Variants in GIMAP5 observed in about 807,000 individuals in gnomAD.
The protein encoded by GIMAP5 is GTPase IMAP family member 5.
In GIMAP5, 8 loss-of-function variants were observed where a neutral mutation model predicts 9.9. That is an observed-to-expected ratio of 0.81 (90% CI 0.47 to 1.45). The LOEUF (loss-of-function observed/expected upper bound fraction) is 1.45, where lower values mean the gene tolerates loss of function less well. GIMAP5 is among the 40% of genes most tolerant of loss of function. GIMAP5 has a pLI of 0.00. For missense variants in GIMAP5, 353 were observed against 367.4 expected, an observed-to-expected ratio of 0.96 and a Z score of 0.32; for synonymous variants, 174 against 151.4, an observed-to-expected ratio of 1.15 and a Z score of -1.09.
rs751527549 is a variant in GIMAP5 at position 150,743,338 on chromosome 7, C to T, written c.*275C>T. On this transcript the variant is annotated 3_prime_UTR_variant, in exon 3 of 3. Coordinates refer to ENST00000358647, the MANE Select transcript of GIMAP5 (RefSeq NM_018384.5). The stretch of plus-strand genomic sequence containing the variant: ...GGTCCCTGAGAAGTGAGTAAAAGTC[C>T]GCAGAGGTGGGGATGGAAGATCTCT... The T allele has an allele frequency of 2.9e-4, 113 of 392,580 alleles. 1 individual carries two copies. The highest frequency in any genetic ancestry group is 3.3e-4 in the Admixed American group (8 of 24,066). 24.3% of individuals were successfully genotyped at this position (392,580 alleles called of 1,614,324 possible).
chr7:150,739,731 A>G (rs1186380754), intron 1 of GIMAP5: 1 of 152,080 alleles, frequency 6.6e-6, no homozygotes, highest in African/African-American at 2.4e-5. Context: ...GGGAGGGTAA[A>G]GAGGAAAGGA....
rs1797586902 is a variant in GIMAP5, at chr7:150,741,046, T to A, written c.43+119T>A. On this transcript the variant is annotated intron_variant, in intron 2 of 2. Coordinates refer to ENST00000358647, the MANE Select transcript of GIMAP5 (RefSeq NM_018384.5). ...ACCCATTCATTTTAAATGAAGAAGA[T>A]AAAGGCAACTATCATCACGTGTGTG... is the stretch of plus-strand genomic sequence containing the variant. 4 of 968,692 alleles carry A rather than the reference T, an allele frequency of 4.1e-6. No individual in the cohort carries two copies. The South Asian group carries it at 4.4e-5, about 11-fold the overall frequency. The allele number at this position is 968,692 out of a possible 1,614,324, so 60.0% of individuals were successfully genotyped here.
In GIMAP5 at chr7:150,740,925, A is replaced by T; in HGVS notation, c.41A>T (p.Glu14Val). ...FQRGKYGTMA[E>V]GRSEDNLSAT... ...AGGGGCAAATATGGAACTATGGCTG[A>T]AGGTAAGAAAGTCTTGAAGTTCTCA... Residue 14 changes from glutamate to valine, a missense_variant and splice_region_variant, in exon 2 of 3, where the codon GAA becomes GTA. Coordinates refer to ENST00000358647, the MANE Select transcript of GIMAP5 (RefSeq NM_018384.5). 1.2e-6 allele frequency: 2 copies of T among 1,614,104 alleles called. No individual in the cohort carries two copies. Among genetic ancestry groups the T allele is most frequent in the Non-Finnish European group, 1.7e-6 (2 of 1,179,956 alleles).
chr7:150,741,531 T>C (rs1026222002), intron 2 of GIMAP5, among the ~76,000 whole-genome samples: 7 of 152,202 alleles, frequency 4.6e-5, no homozygotes, highest in African/African-American at 1.7e-4. Context: ...CATGCTTCTA[T>C]TGAGCTTATC....
rs891618618 is a variant in GIMAP5 at position 150,743,250 on chromosome 7, G to T, written c.*187G>T. Reference sequence around the variant, plus strand: ...TCCACTCCAAGGCTGCCTGCCTGCTGTAAACACTATTCCACTCTGTCTGCC... The same window carrying T: ...TCCACTCCAAGGCTGCCTGCCTGCTTTAAACACTATTCCACTCTGTCTGCC... On this transcript the variant is annotated 3_prime_UTR_variant, in exon 3 of 3. Transcript: ENST00000358647. 5.8e-6 allele frequency: 4 copies of T among 686,474 alleles called. No individual in the cohort carries two copies. Among genetic ancestry groups the T allele is most frequent in the Admixed American group, 6.0e-5 (2 of 33,282 alleles). The allele number at this position is 686,474 out of a possible 1,614,324, so 42.5% of individuals were successfully genotyped here.
chr7:150,741,083 T>TCA (rs1039801591), intron 2 of GIMAP5, among the ~76,000 whole-genome samples, 156 bp downstream of exon 2: 5 of 151,368 alleles, frequency 3.3e-5, no homozygotes, highest in Admixed American at 6.6e-5. Context: ...TATCAAACCA[T>TCA]CACACACACA....
Position 150,742,305 on chromosome 7 carries a change from A to T in GIMAP5, c.166A>T (p.Lys56Ter). The T allele has an allele frequency of 6.2e-7, 1 of 1,614,232 alleles. No individual in the cohort carries two copies. Among genetic ancestry groups the T allele is most frequent in the Non-Finnish European group, 8.5e-7 (1 of 1,180,040 alleles). The part of the protein sequence containing the change: ...SILGQPVFES[K>*]LRAQSVTRTC... ...CCTTGGCCAGCCCGTGTTTGAGTCC[A>T]AGCTGAGGGCCCAGTCAGTGACCAG... is the stretch of plus-strand genomic sequence containing the variant. Residue 56 changes from lysine to a stop codon, truncating the protein, a stop_gained, in exon 3 of 3, where the codon AAG becomes TAG. Transcript: ENST00000358647. LOFTEE classifies it high-confidence loss of function.
intron 2 of GIMAP5, among the ~76,000 whole-genome samples, chr7:150,741,570 G>A (rs975401203): frequency 6.6e-6 from 1 of 152,022 alleles, no homozygotes; most frequent in African/African-American, 2.4e-5. Context: ...TCCACCCTAG[G>A]GTCATCTCCC....
intron 2 of GIMAP5, among the ~76,000 whole-genome samples, chr7:150,741,830 C>T (rs1225501369): frequency 6.6e-6 from 1 of 152,206 alleles, no homozygotes; most frequent in East Asian, 1.9e-4. Flanking sequence ...CTACTAATCC[C>T]CTGCCTCTTT....
At chr7:150,738,005 A>G (rs1014026013) in intron 1 of GIMAP5, 4 of 441,614 alleles carry the variant, frequency 9.1e-6, no homozygotes, top group Admixed American at 7.3e-5. Flanking sequence ...TCAGGGAGTA[A>G]GGCTGAACTG....
At chr7:150,738,245 A>G (rs1482540423) in intron 1 of GIMAP5, 1 of 155,382 alleles carries the variant, frequency 6.4e-6, no homozygotes, top group African/African-American at 2.4e-5. Context: ...CAGGAGCCTC[A>G]TGTTCCAAAC....
At chr7:150,740,743 A>G (rs1268716255) in intron 1 of GIMAP5, 136 bp from the exon 2 acceptor site, 11 of 781,978 alleles carry the variant, frequency 1.4e-5, no homozygotes, top group South Asian at 3.5e-5. Flanking sequence ...AAAGTAAAGT[A>G]TGAGTTAGAA....
rs761418781 is a variant in GIMAP5 at position 150,742,207 on chromosome 7, C to G, written c.68C>G (p.Ala23Gly). The change falls in exon 3 of 3, where the codon GCA (alanine) becomes GGA (glycine). Residue 23 changes from alanine (A) to glycine (G), a missense_variant. By Grantham distance (60) the Ala-to-Gly change is moderately conservative (BLOSUM62 0). Transcript: ENST00000358647. ...GGTAGATCAGAAGATAACTTGTCTG[C>G]AACACCACCGGCATTGAGGATTATC... The part of the protein sequence containing the change: ...AEGRSEDNLS[A>G]TPPALRIILV... 6.2e-7 allele frequency: 1 copy of G among 1,613,938 alleles called. No individual in the cohort carries two copies.
intron 1 of GIMAP5, chr7:150,739,863 A>G (rs1290616408): frequency 6.6e-6 from 1 of 152,252 alleles, no homozygotes; most frequent in Non-Finnish European, 1.5e-5. Context: ...GAATAGAAAA[A>G]TGTGGAAAAG....
In GIMAP5 at chr7:150,742,503, C is replaced by T. The variant is rs202237347; in HGVS notation, c.364C>T (p.Arg122Cys). The T allele has an allele frequency of 2.5e-5, 40 of 1,614,038 alleles. No individual in the cohort carries two copies. The highest frequency in any genetic ancestry group is 3.2e-5 in the Non-Finnish European group (38 of 1,180,040). ...CCTGCTTCTGGTGATCCAGCTGGGG[C>T]GTTTCACTGCTCAGGACACAGTGGC... ...HVLLLVIQLG[R>C]FTAQDTVAIR... The change falls in exon 3 of 3, where the codon CGT (arginine) becomes TGT (cysteine). Residue 122 changes from arginine (R) to cysteine (C), a missense_variant. Arg to Cys is a radical substitution (Grantham distance 180). Coordinates refer to ENST00000358647, the MANE Select transcript of GIMAP5 (RefSeq NM_018384.5).
At chr7:150,741,448 C>T (rs1797593085) in intron 2 of GIMAP5, among the ~76,000 whole-genome samples, 1 of 152,208 alleles carries the variant, frequency 6.6e-6, no homozygotes, top group Admixed American at 6.5e-5. Context: ...GCCACAGTGT[C>T]ACCCTCTCCA....
At position 150,742,011 on chromosome 7, in the gene GIMAP5, G is replaced by A. The variant is rs1202672611; in HGVS notation, c.44-172G>A. The stretch of plus-strand genomic sequence containing the variant: ...GATCCAAGCATGGGCTTCCAATGGG[G>A]CTTTCTACATGCAAGATTCACCTAT... On this transcript the variant is annotated intron_variant, in intron 2 of 2. Coordinates refer to ENST00000358647, the MANE Select transcript of GIMAP5 (RefSeq NM_018384.5). Among the ~76,000 whole-genome samples, 4 of 152,142 alleles carry A rather than the reference G, an allele frequency of 2.6e-5. No individual in the cohort carries two copies. In the East Asian group the frequency reaches 7.7e-4, roughly 29 times the overall value.
chr7:150,739,512 A>G (rs1442530923), intron 1 of GIMAP5: 1 of 152,232 alleles, frequency 6.6e-6, no homozygotes, highest in Non-Finnish European at 1.5e-5. Flanking sequence ...GTTCATAATC[A>G]ATATCATTAC....
rs773135509 is a variant in GIMAP5 at position 150,743,091 on chromosome 7, G to T, written c.*28G>T. The T allele has an allele frequency of 2.5e-6, 4 of 1,583,110 alleles. No individual in the cohort carries two copies. The South Asian group carries it at 4.6e-5, about 18-fold the overall frequency. On this transcript the variant is annotated 3_prime_UTR_variant, in exon 3 of 3. Transcript: ENST00000358647. Reference sequence around the variant, plus strand: ...CTCTGGACCCTGGAGCACTTCTAATGTATCACCCCATGGAGTCATTGTTCT... The same window carrying T: ...CTCTGGACCCTGGAGCACTTCTAATTTATCACCCCATGGAGTCATTGTTCT...
Sources: gnomAD v4.1 joint callset for allele counts (sites outside exome capture counted in the v4.1 genomes callset) on GRCh38, gnomAD v4.1.1 for gene constraint, MANE v1.5 for transcripts, NCBI Gene and HGNC (gene_info 2026-07-23, HGNC 2026-07-21) for gene names.